KCNIP1: variants seen among roughly 807,000 people sequenced by gnomAD.
KCNIP1 encodes A-type potassium channel modulatory protein KCNIP1.
In KCNIP1, 18 loss-of-function variants were observed where a neutral mutation model predicts 33.0. That is an observed-to-expected ratio of 0.55 (90% CI 0.38 to 0.81). The LOEUF (loss-of-function observed/expected upper bound fraction) is 0.81, where lower values mean the gene tolerates loss of function less well. Ranked by LOEUF, KCNIP1 falls within the 30% of genes least tolerant of loss-of-function variation. The probability of loss-of-function intolerance (pLI) is 0.00; values close to 1 mark genes in which losing one functional copy is unlikely to be tolerated. For synonymous variants in KCNIP1, 93 were observed against 98.3 expected (o/e 0.95, Z 0.32); for missense variants, 238 against 271.6 (o/e 0.88, Z 0.87).
intron 1 of KCNIP1, among the ~76,000 whole-genome samples, chr5:170,542,833 C>G (rs1225970512): frequency 6.6e-6 from 1 of 152,132 alleles, no homozygotes; most frequent in African/African-American, 2.4e-5. Flanking sequence ...CTGTATTGTA[C>G]TTACTTATTT....
At chr5:170,360,204 C>T (rs776682908) in intron 1 of KCNIP1, among the ~76,000 whole-genome samples, 7 of 152,216 alleles carry the variant, frequency 4.6e-5, no homozygotes, top group Non-Finnish European at 1.0e-4. Context: ...CCATCTCTCT[C>T]AGCAGACCCA....
Position 170,677,980 on chromosome 5 carries a change from TCACCTTA to T in KCNIP1, c.62-40774_62-40768del, listed in dbSNP as rs1251597550. 2.0e-5 allele frequency among the ~76,000 whole-genome samples: 3 copies of T among 152,314 alleles called. No individual in the cohort carries two copies. In the South Asian group the frequency reaches 6.2e-4, roughly 32 times the overall value. On this transcript the variant is annotated intron_variant, in intron 1 of 7. Coordinates refer to ENST00000328939, the MANE Select transcript of KCNIP1 (RefSeq NM_014592.4). ...GCTCACATCTCCAATACAAACATAT[TCACCTTA>T]CACTCTATATGGAAATAGTAAAGAG... is the stretch of plus-strand genomic sequence containing the variant.
intron 1 of KCNIP1, among the ~76,000 whole-genome samples, chr5:170,559,251 G>A (rs1756948142): frequency 6.6e-6 from 1 of 152,154 alleles, no homozygotes; most frequent in African/African-American, 2.4e-5. Flanking sequence ...TACTTTTCTA[G>A]TCCCAAGGCA....
chr5:170,616,011 T>A (rs958067347), intron 1 of KCNIP1, among the ~76,000 whole-genome samples: 1 of 152,194 alleles, frequency 6.6e-6, no homozygotes, highest in Non-Finnish European at 1.5e-5. Flanking sequence ...AAGACCACTT[T>A]CACAGGGGGC....
At chr5:170,412,669 A>G (rs1225273087) in intron 1 of KCNIP1, among the ~76,000 whole-genome samples, 1 of 152,104 alleles carries the variant, frequency 6.6e-6, no homozygotes, top group Non-Finnish European at 1.5e-5. Context: ...GAAAACTAGA[A>G]TGCAGCTTTC....
chr5:170,620,917 T>A (rs759957411), intron 1 of KCNIP1, among the ~76,000 whole-genome samples: 11 of 152,174 alleles, frequency 7.2e-5, no homozygotes, highest in Non-Finnish European at 1.2e-4. Flanking sequence ...TGACAGCCTG[T>A]ATGCTCTGCT....
chr5:170,506,983 C>G (rs1754745954), intron 1 of KCNIP1, among the ~76,000 whole-genome samples: 1 of 152,262 alleles, frequency 6.6e-6, no homozygotes, highest in African/African-American at 2.4e-5. Flanking sequence ...GGCTAGTGGT[C>G]AGGGAGCCTA....
At chr5:170,385,542 G>T (rs1764434693) in intron 1 of KCNIP1, 1 of 1,377,792 alleles carries the variant, frequency 7.3e-7, no homozygotes, top group African/African-American at 1.4e-5. Flanking sequence ...GAGAGGACAG[G>T]TGAGAGGGGA....
chr5:170,619,079 G>A (rs931969427), intron 1 of KCNIP1, among the ~76,000 whole-genome samples: 1 of 152,236 alleles, frequency 6.6e-6, no homozygotes, highest in African/African-American at 2.4e-5. Context: ...CTGTTGAAGA[G>A]ACGGATGGAT....
At chr5:170,354,405 C>T (rs1763291207) in intron 1 of KCNIP1, among the ~76,000 whole-genome samples, 2 of 152,092 alleles carry the variant, frequency 1.3e-5, no homozygotes, top group East Asian at 1.9e-4. Flanking sequence ...GGTGATGGGC[C>T]GGCATCTGCT....
chr5:170,643,721 C>T (rs1187245224), intron 1 of KCNIP1, among the ~76,000 whole-genome samples: 1 of 152,250 alleles, frequency 6.6e-6, no homozygotes, highest in East Asian at 1.9e-4. Flanking sequence ...CTTCTTCGCC[C>T]TCCATCCCCA....
intron 1 of KCNIP1, among the ~76,000 whole-genome samples, chr5:170,638,026 T>G (rs1581429780): frequency 8.0e-6 from 1 of 124,496 alleles, no homozygotes; most frequent in African/African-American, 3.0e-5. Flanking sequence ...CAAAAAGGGG[T>G]GTGTCTGGGG....
At chr5:170,607,795 G>A (rs1023543980) in intron 1 of KCNIP1, among the ~76,000 whole-genome samples, 1 of 152,192 alleles carries the variant, frequency 6.6e-6, no homozygotes, top group African/African-American at 2.4e-5. Flanking sequence ...GTCTCAGCCG[G>A]CGGGGAGGGA....
chr5:170,406,470 C>T (rs556297554), intron 1 of KCNIP1, among the ~76,000 whole-genome samples: 1 of 152,242 alleles, frequency 6.6e-6, no homozygotes, highest in African/African-American at 2.4e-5. Flanking sequence ...ACATAATAAC[C>T]CATACAGGGT....
chr5:170,452,642 A>C (rs1756281710), intron 1 of KCNIP1, among the ~76,000 whole-genome samples: 1 of 152,228 alleles, frequency 6.6e-6, no homozygotes, highest in South Asian at 2.1e-4. Context: ...AAACTTCTTT[A>C]CGACACTTTT....
chr5:170,414,723 C>T (rs1014081758), intron 1 of KCNIP1, among the ~76,000 whole-genome samples: 3 of 152,208 alleles, frequency 2.0e-5, no homozygotes, highest in Admixed American at 6.5e-5. Context: ...CAGGAACTTA[C>T]AAAATGTGTG....
At chr5:170,410,209 C>G (rs1438840898) in intron 1 of KCNIP1, among the ~76,000 whole-genome samples, 2 of 152,184 alleles carry the variant, frequency 1.3e-5, no homozygotes, top group South Asian at 4.1e-4. Context: ...CTGGGTCCCC[C>G]ACTCAGGGGA....
chr5:170,604,704 G>T (rs1758834945), intron 1 of KCNIP1, among the ~76,000 whole-genome samples: 1 of 152,166 alleles, frequency 6.6e-6, no homozygotes, highest in Non-Finnish European at 1.5e-5. Context: ...ACAGCAGGAG[G>T]TTTCATGCAG....
intron 1 of KCNIP1, among the ~76,000 whole-genome samples, chr5:170,460,100 T>C (rs1385164551): frequency 6.6e-6 from 1 of 152,126 alleles, no homozygotes; most frequent in Non-Finnish European, 1.5e-5. Context: ...AGGAGATGGA[T>C]AAATTCCTGG....
Sources: gnomAD v4.1 joint callset for allele counts (sites outside exome capture counted in the v4.1 genomes callset) on GRCh38, gnomAD v4.1.1 for gene constraint, MANE v1.5 for transcripts, NCBI Gene and HGNC (gene_info 2026-07-23, HGNC 2026-07-21) for gene names.